The following CRTC1 variants were observed in gnomAD, a reference collection of about 807,000 sequenced individuals.
The protein encoded by CRTC1 is CREB-regulated transcription coactivator 1.
Under a neutral mutation model 66.1 loss-of-function variants are expected in CRTC1, and 18 were observed. The observed-to-expected ratio is 0.27, with a 90% CI of 0.19 to 0.40. CRTC1 has a LOEUF of 0.40. Among genes scored for constraint, CRTC1 ranks in the 10% least tolerant of loss-of-function variants. The probability of loss-of-function intolerance (pLI) is 1.00; values close to 1 mark genes in which losing one functional copy is unlikely to be tolerated. For missense variants in CRTC1, 669 were observed against 887.9 expected (o/e 0.75, Z 3.13); for synonymous variants, 416 against 398.8 (o/e 1.04, Z -0.51).
intron 2 of CRTC1, among the ~76,000 whole-genome samples, chr19:18,744,339 T>C (rs913882600): frequency 6.6e-6 from 1 of 152,090 alleles, no homozygotes; most frequent in African/African-American, 2.4e-5. Context: ...TCTCGGGAAG[T>C]GCGTATGGTC....
chr19:18,683,869 G>A, intron 1 of CRTC1, 41 bp downstream of exon 1: 1 of 1,075,742 alleles, frequency 9.3e-7, no homozygotes, highest in Non-Finnish European at 1.2e-6. Context: ...GGCCGGCGGA[G>A]GGAGGGAGGG....
At chr19:18,758,697 A>G (rs950610044) in intron 6 of CRTC1, among the ~76,000 whole-genome samples, 2 of 152,212 alleles carry the variant, frequency 1.3e-5, no homozygotes, top group Admixed American at 6.5e-5. Flanking sequence ...GCCCCAAGAC[A>G]GGGGCAGTGA....
chr19:18,683,741 G>A lies in CRTC1; in HGVS notation c.39G>A (p.Lys13=), dbSNP rs769259848. ...TSNNPRKFSE[K]IALHNQKQAE... ...ACAATCCGCGGAAATTCAGCGAGAA[G>A]ATCGCGCTGCACAATCAGAAGCAGG... Residue 13 remains lysine, a synonymous_variant, in exon 1 of 14, where the codon AAG becomes AAA. Coordinates refer to ENST00000321949, the MANE Select transcript of CRTC1 (RefSeq NM_015321.3). 15 of 1,403,466 alleles carry A rather than the reference G, an allele frequency of 1.1e-5. No homozygotes were observed. In the South Asian group the frequency reaches 1.8e-4, roughly 17 times the overall value. The allele number at this position is 1,403,466 out of a possible 1,614,324, so 86.9% of individuals were successfully genotyped here. A position where few individuals can be genotyped will look rare whatever the true frequency, so the allele number is the denominator to read the frequency against.
chr19:18,694,307 AAAAAAAAAAAG>A (rs2052931128), intron 1 of CRTC1, among the ~76,000 whole-genome samples: 1 of 151,440 alleles, frequency 6.6e-6, no homozygotes, highest in African/African-American at 2.4e-5. Flanking sequence ...TCAAAAAAAA[AAAAAAAAAAAG>A]AAGAAGAGAC....
intron 4 of CRTC1, among the ~76,000 whole-genome samples, chr19:18,747,858 G>C (rs893653727): frequency 6.6e-6 from 1 of 152,112 alleles, no homozygotes; most frequent in Non-Finnish European, 1.5e-5. Context: ...CAGGCGATCA[G>C]TTGAACCCAG....
intron 4 of CRTC1, 108 bp from the exon 5 acceptor site, chr19:18,749,673 G>C: frequency 1.1e-6 from 1 of 891,220 alleles, no homozygotes; most frequent in Non-Finnish European, 1.8e-6. Flanking sequence ...TCACAAAAAT[G>C]ATCCACAGCT....
intron 3 of CRTC1, among the ~76,000 whole-genome samples, chr19:18,746,650 CCA>C (rs954886462): frequency 3.3e-5 from 5 of 152,124 alleles, no homozygotes; most frequent in Non-Finnish European, 5.9e-5. Context: ...CAGCTGGGCC[CCA>C]GACTGAGCCC....
intron 1 of CRTC1, among the ~76,000 whole-genome samples, chr19:18,728,581 C>T (rs1245534400): frequency 6.6e-6 from 1 of 152,034 alleles, no homozygotes; most frequent in African/African-American, 2.4e-5. Context: ...GATCTTGGCT[C>T]AGTAACCTCT....
intron 3 of CRTC1, 85 bp downstream of exon 3, chr19:18,746,045 A>G: frequency 6.7e-7 from 1 of 1,497,680 alleles, no homozygotes; most frequent in Non-Finnish European, 9.0e-7. Context: ...AGGTTCTGAC[A>G]GGGCTGCCTG....
chr19:18,759,956 G>GCCAGCACCCTGTCCCCGCCA, intron 7 of CRTC1, 52 bp from the exon 8 acceptor site: 1 of 1,221,322 alleles, frequency 8.2e-7, no homozygotes, highest in Non-Finnish European at 1.2e-6. Context: ...TGTCCCCGCC[G>GCCAGCACCCTGTCCCCGCCA]CCAGCCCCGC....
At position 18,771,341 on chromosome 19, in the gene CRTC1, G is replaced by A; in HGVS notation, c.1321-101G>A. 1.0e-6 allele frequency: 1 copy of A among 961,340 alleles called. No homozygotes were observed. Among genetic ancestry groups the A allele is most frequent in the Admixed American group, 2.5e-5 (1 of 39,858 alleles). The allele number at this position is 961,340 out of a possible 1,614,324, so 59.6% of individuals were successfully genotyped here. On this transcript the variant is annotated intron_variant, in intron 10 of 13. Transcript: ENST00000321949. This position sits in a 1 kb window ranked among gnomAD's most constrained non-coding sequence, Gnocchi z 4.6. ...CATCACCAAGGTGTGAGGGGCGGGG[G>A]GACCTGCCTGGGGGCTGATCAGGCT...
rs1490684505 is a variant in CRTC1, at chr19:18,683,684, A to T, written c.-19A>T. Reference sequence around the variant, plus strand: ...GAGGTGGAGGAGGAGGAGGAGGAGGAGGAGGTGGCGGCGAGAAGATGGCGA... The same window carrying T: ...GAGGTGGAGGAGGAGGAGGAGGAGGTGGAGGTGGCGGCGAGAAGATGGCGA... On this transcript the variant is annotated 5_prime_UTR_variant, in exon 1 of 14. Transcript: ENST00000321949. The T allele has an allele frequency of 4.4e-6, 6 of 1,372,176 alleles. No individual in the cohort carries two copies. Among genetic ancestry groups the T allele is most frequent in the Non-Finnish European group, 3.9e-6 (4 of 1,036,266 alleles). The allele number at this position is 1,372,176 out of a possible 1,614,324, so 85.0% of individuals were successfully genotyped here. A position where few individuals can be genotyped will look rare whatever the true frequency, so the allele number is the denominator to read the frequency against.
chr19:18,761,736 CT>C (rs1188630562), intron 8 of CRTC1, among the ~76,000 whole-genome samples: 2 of 152,124 alleles, frequency 1.3e-5, no homozygotes, highest in African/African-American at 2.4e-5. Flanking sequence ...AGGGAGGAGC[CT>C]GGAGGCGTTC....
At chr19:18,708,431 AC>A (rs1235339273) in intron 1 of CRTC1, among the ~76,000 whole-genome samples, 1 of 152,084 alleles carries the variant, frequency 6.6e-6, no homozygotes. Context: ...GAACGGGGCC[AC>A]CCCGGGTTTC....
chr19:18,708,428 G>C (rs1169245080), intron 1 of CRTC1, among the ~76,000 whole-genome samples: 1 of 152,166 alleles, frequency 6.6e-6, no homozygotes, highest in Non-Finnish European at 1.5e-5. Flanking sequence ...GAGGAACGGG[G>C]CCACCCCGGG....
chr19:18,716,127 C>T (rs1283971025), intron 1 of CRTC1, among the ~76,000 whole-genome samples: 2 of 152,114 alleles, frequency 1.3e-5, no homozygotes, highest in Admixed American at 6.5e-5. Context: ...CCCAGTGCCC[C>T]GCCCTGGGGA....
At chr19:18,688,354 G>A (rs1229468583) in intron 1 of CRTC1, among the ~76,000 whole-genome samples, 2 of 152,142 alleles carry the variant, frequency 1.3e-5, no homozygotes, top group Admixed American at 6.6e-5. Flanking sequence ...TGGAAAGCAG[G>A]GAGGAGGGCA....
intron 8 of CRTC1, among the ~76,000 whole-genome samples, chr19:18,762,674 G>C (rs1173298805): frequency 6.6e-6 from 1 of 152,216 alleles, no homozygotes; most frequent in Non-Finnish European, 1.5e-5. Flanking sequence ...TCCCCTGGCA[G>C]CTCTCCCTGC....
In CRTC1 at chr19:18,777,561, C is replaced by G. The variant is rs935031400; in HGVS notation, c.*179C>G. On this transcript the variant is annotated 3_prime_UTR_variant, in exon 14 of 14. Transcript: ENST00000321949. This position sits in a 1 kb window ranked among gnomAD's most constrained non-coding sequence, Gnocchi z 5.5. The stretch of plus-strand genomic sequence containing the variant: ...CCTCCCGCGAAGCCCAATCGCGAGG[C>G]CGCGAGCCGGGCCGTCCACCCACCC... 46 of 604,864 alleles carry G rather than the reference C, an allele frequency of 7.6e-5. No homozygotes were observed. The highest frequency in any genetic ancestry group is 1.1e-4 in the Non-Finnish European group (40 of 354,826). The allele number at this position is 604,864 out of a possible 1,614,324, so 37.5% of individuals were successfully genotyped here.
Sources: gnomAD v4.1 joint callset for allele counts (sites outside exome capture counted in the v4.1 genomes callset) on GRCh38, gnomAD v4.1.1 for gene constraint, Gnocchi (gnomAD v3.1) non-coding constraint, MANE v1.5 for transcripts, NCBI Gene and HGNC (gene_info 2026-07-23, HGNC 2026-07-21) for gene names.